The following MARCHF1 variants were observed in gnomAD, a reference collection of about 807,000 sequenced individuals.
MARCHF1 encodes the protein E3 ubiquitin-protein ligase MARCHF1.
A neutral mutation model predicts 54.2 loss-of-function variants in MARCHF1; 40 were observed. The observed-to-expected ratio is 0.74, with a 90% confidence interval of 0.57 to 0.96. The LOEUF is 0.96. MARCHF1 is among the 40% of genes least tolerant of loss of function. The pLI is 0.00. For synonymous variants in MARCHF1, 236 were observed against 236.3 expected (o/e 1.00, Z 0.01); for missense variants, 586 against 656.5 (o/e 0.89, Z 1.17).
At chr4:163,706,351 AT>A (rs1450864521) in intron 4 of MARCHF1, among the ~76,000 whole-genome samples, 8 of 152,062 alleles carry the variant, frequency 5.3e-5, no homozygotes, top group Non-Finnish European at 1.2e-4. Context: ...CTTGGAGTAC[AT>A]ACTCTAAACT....
intron 1 of MARCHF1, among the ~76,000 whole-genome samples, chr4:164,170,832 A>G (rs1039417624): frequency 6.6e-6 from 1 of 152,194 alleles, no homozygotes; most frequent in African/African-American, 2.4e-5. Flanking sequence ...AGGTGAGAAG[A>G]AATGTGATCA....
intron 4 of MARCHF1, among the ~76,000 whole-genome samples, chr4:163,796,742 A>G (rs770192295): frequency 2.0e-5 from 3 of 151,532 alleles, no homozygotes; most frequent in Non-Finnish European, 4.4e-5. Flanking sequence ...TTTTCCCACT[A>G]TTTTGGTAAT....
chr4:164,043,365 T>C (rs1471085484), intron 2 of MARCHF1, among the ~76,000 whole-genome samples: 3 of 152,126 alleles, frequency 2.0e-5, no homozygotes, highest in Admixed American at 6.5e-5. Flanking sequence ...CAATACCACA[T>C]GGAAACTGCC....
chr4:163,955,717 G>C (rs549446776), intron 3 of MARCHF1, among the ~76,000 whole-genome samples: 1 of 152,004 alleles, frequency 6.6e-6, no homozygotes, highest in Non-Finnish European at 1.5e-5. Context: ...GAAATTCTTC[G>C]CTTGCAATAG....
chr4:163,576,766 G>A (rs188117777), intron 8 of MARCHF1, among the ~76,000 whole-genome samples: 32 of 151,586 alleles, frequency 2.1e-4, no homozygotes, highest in African/African-American at 6.8e-4. Context: ...GTTAAATCTT[G>A]TTGTTGAAAT....
chr4:164,016,046 G>C (rs1369672135), intron 2 of MARCHF1, among the ~76,000 whole-genome samples: 1 of 152,068 alleles, frequency 6.6e-6, no homozygotes, highest in Admixed American at 6.6e-5. Context: ...GCTAAGATAT[G>C]GAATCAACCT....
At chr4:164,048,799 T>C (rs1440570736) in intron 2 of MARCHF1, among the ~76,000 whole-genome samples, 1 of 152,164 alleles carries the variant, frequency 6.6e-6, no homozygotes, top group Non-Finnish European at 1.5e-5. Context: ...AATTTTTTCA[T>C]CTTCTTTTAC....
At chr4:163,582,706 T>C (rs1740269761) in intron 8 of MARCHF1, among the ~76,000 whole-genome samples, 1 of 152,170 alleles carries the variant, frequency 6.6e-6, no homozygotes, top group African/African-American at 2.4e-5. Flanking sequence ...TAATTGGATG[T>C]ACTTCAAATA....
chr4:163,638,788 T>G (rs188880671), intron 5 of MARCHF1, among the ~76,000 whole-genome samples: 17 of 152,232 alleles, frequency 1.1e-4, no homozygotes, highest in African/African-American at 4.1e-4. Context: ...GATGAATGGA[T>G]AAACAAAATA....
chr4:164,156,110 G>A (rs540625262), intron 1 of MARCHF1, among the ~76,000 whole-genome samples: 10 of 152,076 alleles, frequency 6.6e-5, no homozygotes, highest in African/African-American at 2.4e-4. Context: ...AATTACCTAG[G>A]GCTCTTGTTG....
At chr4:164,129,300 T>G (rs1756251797) in intron 1 of MARCHF1, among the ~76,000 whole-genome samples, 1 of 152,222 alleles carries the variant, frequency 6.6e-6, no homozygotes, top group Non-Finnish European at 1.5e-5. Flanking sequence ...AACTCTAATT[T>G]ATTTTAGAAC....
chr4:164,174,108 G>A (rs919347593), intron 1 of MARCHF1, among the ~76,000 whole-genome samples: 2 of 152,134 alleles, frequency 1.3e-5, no homozygotes, highest in African/African-American at 4.8e-5. Flanking sequence ...AAATTTCAAA[G>A]ATAATAAGGG....
intron 2 of MARCHF1, among the ~76,000 whole-genome samples, chr4:163,999,195 C>T: frequency 6.6e-6 from 1 of 151,178 alleles, no homozygotes; most frequent in Non-Finnish European, 1.5e-5. Context: ...ATATATATTT[C>T]AAAACATGTT....
intron 1 of MARCHF1, among the ~76,000 whole-genome samples, chr4:164,346,318 A>C (rs1300942998): frequency 6.6e-6 from 1 of 152,218 alleles, no homozygotes; most frequent in African/African-American, 2.4e-5. Flanking sequence ...CAGAAGTCAA[A>C]TGTTATTAAA....
intron 4 of MARCHF1, among the ~76,000 whole-genome samples, chr4:163,844,540 TA>T (rs945509549): frequency 2.6e-5 from 4 of 151,954 alleles, no homozygotes; most frequent in Non-Finnish European, 5.9e-5. Flanking sequence ...ATTGTGTCTT[TA>T]AAAAAAACCA....
At chr4:164,176,487 G>A (rs1730666277) in intron 1 of MARCHF1, among the ~76,000 whole-genome samples, 1 of 151,942 alleles carries the variant, frequency 6.6e-6, no homozygotes, top group South Asian at 2.1e-4. Context: ...AATGACTTCA[G>A]GTAACACCAA....
At chr4:163,719,994 G>A (rs1302889714) in intron 4 of MARCHF1, among the ~76,000 whole-genome samples, 2 of 152,140 alleles carry the variant, frequency 1.3e-5, no homozygotes, top group Non-Finnish European at 2.9e-5. Context: ...TCACTCTGAT[G>A]ATAGTTTCTT....
At chr4:164,176,652 T>C (rs1730670786) in intron 1 of MARCHF1, among the ~76,000 whole-genome samples, 1 of 151,916 alleles carries the variant, frequency 6.6e-6, no homozygotes, top group African/African-American at 2.4e-5. Flanking sequence ...GATGCAGCTT[T>C]TCTGAGAGGG....
At chr4:164,091,410 T>TTATATGTATA (rs1553980471) in intron 2 of MARCHF1, among the ~76,000 whole-genome samples, 1 of 136,944 alleles carries the variant, frequency 7.3e-6, no homozygotes, top group Admixed American at 7.4e-5. Flanking sequence ...TCACCAAGTT[T>TTATATGTATA]TATATATATA....
Sources: gnomAD v4.1 joint callset for allele counts (sites outside exome capture counted in the v4.1 genomes callset) on GRCh38, gnomAD v4.1.1 for gene constraint, MANE v1.5 for transcripts, NCBI Gene and HGNC (gene_info 2026-07-23, HGNC 2026-07-21) for gene names.